Variants in PLCB1 observed in about 807,000 individuals in gnomAD.
PLCB1 encodes the protein phospholipase C beta 1, also known as 1-phosphatidylinositol 4,5-bisphosphate phosphodiesterase beta-1.
In PLCB1, 46 loss-of-function variants were observed where a neutral mutation model predicts 161.8. That is an observed-to-expected ratio of 0.28 (90% CI 0.22 to 0.36). The LOEUF is 0.36. Ranked by LOEUF, PLCB1 falls within the 10% of genes least tolerant of loss-of-function variation. The pLI is 1.00. For synonymous variants in PLCB1, 517 were observed against 503.7 expected, an observed-to-expected ratio of 1.03 and a Z score of -0.35; for missense variants, 1,016 against 1,472.5, an observed-to-expected ratio of 0.69 and a Z score of 5.07.
At chr20:8,341,913 G>A (rs1028583463) in intron 2 of PLCB1, among the ~76,000 whole-genome samples, 1 of 152,064 alleles carries the variant, frequency 6.6e-6, no homozygotes, top group Non-Finnish European at 1.5e-5. Context: ...AACTTGCCTT[G>A]ATTCCAAAGC....
At chr20:8,661,588 G>C (rs1351728555) in intron 9 of PLCB1, among the ~76,000 whole-genome samples, 1 of 152,022 alleles carries the variant, frequency 6.6e-6, no homozygotes, top group Non-Finnish European at 1.5e-5. Flanking sequence ...AAAGACCTTA[G>C]TAGGGTCACT....
intron 31 of PLCB1, among the ~76,000 whole-genome samples, chr20:8,827,844 T>A (rs1985783213): frequency 6.6e-6 from 1 of 152,260 alleles, no homozygotes; most frequent in African/African-American, 2.4e-5. Context: ...TCTAATGTCC[T>A]CAAAATTTCT....
At chr20:8,476,782 C>A (rs1477783670) in intron 3 of PLCB1, among the ~76,000 whole-genome samples, 1 of 152,078 alleles carries the variant, frequency 6.6e-6, no homozygotes, top group African/African-American at 2.4e-5. Flanking sequence ...ATCTTATCTT[C>A]ACTTGTATTA....
At chr20:8,170,226 G>A (rs1393876817) in intron 2 of PLCB1, among the ~76,000 whole-genome samples, 1 of 151,996 alleles carries the variant, frequency 6.6e-6, no homozygotes, top group Non-Finnish European at 1.5e-5. Flanking sequence ...GGACAAATAG[G>A]AAAATCTTAC....
intron 2 of PLCB1, among the ~76,000 whole-genome samples, chr20:8,204,053 A>G (rs188085819): frequency 2.4e-4 from 37 of 152,252 alleles, no homozygotes; most frequent in Admixed American, 2.2e-3. Context: ...CTGGGAGACA[A>G]AATACCTAAG....
At chr20:8,449,915 C>G (rs1980998006) in intron 3 of PLCB1, among the ~76,000 whole-genome samples, 1 of 152,204 alleles carries the variant, frequency 6.6e-6, no homozygotes, top group Non-Finnish European at 1.5e-5. Context: ...TAATGTCCAT[C>G]ATACCATGGG....
chr20:8,751,038 C>T (rs568069895), intron 23 of PLCB1: 342 of 334,838 alleles, frequency 1.0e-3, no homozygotes, highest in African/African-American at 6.0e-3. Flanking sequence ...CGGGTTCACG[C>T]CATTCTCCTG....
chr20:8,703,801 G>A (rs1006518921), intron 11 of PLCB1, among the ~76,000 whole-genome samples: 17 of 152,114 alleles, frequency 1.1e-4, no homozygotes, highest in Non-Finnish European at 2.5e-4. Context: ...GAAGATGGGG[G>A]GCATGGACTC....
intron 2 of PLCB1, among the ~76,000 whole-genome samples, chr20:8,357,647 T>C (rs1986402889): frequency 6.6e-6 from 1 of 151,834 alleles, no homozygotes; most frequent in African/African-American, 2.4e-5. Flanking sequence ...TGAGACCTTG[T>C]CTTTACAAAA....
intron 2 of PLCB1, among the ~76,000 whole-genome samples, chr20:8,264,959 AG>A (rs1326549159): frequency 3.3e-5 from 5 of 152,182 alleles, no homozygotes. Context: ...TTAGGGGGTC[AG>A]GGAGATAATT....
intron 15 of PLCB1, 69 bp downstream of exon 15, chr20:8,722,490 G>T (rs1018312761): frequency 8.8e-7 from 1 of 1,142,140 alleles, no homozygotes; most frequent in African/African-American, 1.6e-5. Context: ...CTGTCTCATG[G>T]TCACTTTCTG....
intron 3 of PLCB1, among the ~76,000 whole-genome samples, chr20:8,500,657 T>A (rs952765160): frequency 1.3e-5 from 2 of 152,228 alleles, no homozygotes; most frequent in African/African-American, 4.8e-5. Flanking sequence ...AGTGTTTTAT[T>A]TCTATAATAA....
intron 9 of PLCB1, among the ~76,000 whole-genome samples, chr20:8,665,058 T>C (rs893442830): frequency 6.6e-6 from 1 of 152,014 alleles, no homozygotes; most frequent in Non-Finnish European, 1.5e-5. Context: ...GGACCGACAA[T>C]TGGAGAGAGA....
At position 8,180,751 on chromosome 20, in the gene PLCB1, T is replaced by C. The variant is rs117009534; in HGVS notation, c.177+30380T>C. On this transcript the variant is annotated intron_variant, in intron 2 of 31. Transcript: ENST00000338037. Reference sequence around the variant, plus strand: ...GAATATATGCCATCTAGGATAACAATAAATGAGCCTAACAGTCTTTAACTA... The same window carrying C: ...GAATATATGCCATCTAGGATAACAACAAATGAGCCTAACAGTCTTTAACTA... Among the ~76,000 whole-genome samples, 6 of 152,286 alleles carry C rather than the reference T, an allele frequency of 3.9e-5. No homozygotes were observed. In the East Asian group the frequency reaches 1.2e-3, roughly 29 times the overall value.
intron 3 of PLCB1, among the ~76,000 whole-genome samples, chr20:8,379,865 C>T (rs562633716): frequency 2.0e-5 from 3 of 152,080 alleles, no homozygotes; most frequent in East Asian, 3.9e-4. Flanking sequence ...GGATATTAGA[C>T]CTTTGTCAGA....
intron 3 of PLCB1, among the ~76,000 whole-genome samples, chr20:8,508,510 G>A (rs1277119470): frequency 6.6e-6 from 1 of 152,114 alleles, no homozygotes; most frequent in Non-Finnish European, 1.5e-5. Context: ...ATGGCTGTAC[G>A]TACTATCCTT....
intron 31 of PLCB1, among the ~76,000 whole-genome samples, chr20:8,870,835 T>G (rs1987584089): frequency 6.6e-6 from 1 of 152,174 alleles, no homozygotes; most frequent in Admixed American, 6.5e-5. Context: ...AAGAATGGTT[T>G]AATATTTATC....
chr20:8,693,357 G>T (rs1990521157), intron 10 of PLCB1, among the ~76,000 whole-genome samples: 1 of 152,162 alleles, frequency 6.6e-6, no homozygotes, highest in Admixed American at 6.6e-5. Flanking sequence ...CTGTGTTCAA[G>T]AAAGCACCAT....
chr20:8,281,383 A>T (rs58059122), intron 2 of PLCB1, among the ~76,000 whole-genome samples: 6 of 152,194 alleles, frequency 3.9e-5, no homozygotes, highest in South Asian at 4.1e-4. Flanking sequence ...TTATTTTTTT[A>T]AAACCTTCTT....
Sources: allele counts gnomAD v4.1 joint callset (sites outside exome capture counted in the v4.1 genomes callset), GRCh38; gene constraint gnomAD v4.1.1; transcripts MANE v1.5; gene names NCBI Gene and HGNC (gene_info 2026-07-23, HGNC 2026-07-21).